RERE: variants seen among roughly 807,000 people sequenced by gnomAD.
RERE encodes the protein arginine-glutamic acid dipeptide repeats, also known as arginine-glutamic acid dipeptide repeats protein.
A neutral mutation model predicts 146.1 loss-of-function variants in RERE; 40 were observed. The observed-to-expected ratio is 0.27, with a 90% CI of 0.21 to 0.36. The LOEUF is 0.36. RERE is among the 10% of genes least tolerant of loss of function. RERE has a pLI of 1.00. For synonymous variants in RERE, 1,003 were observed against 866.0 expected, an observed-to-expected ratio of 1.16 and a Z score of -2.78; for missense variants, 1,933 against 2,138.7, an observed-to-expected ratio of 0.90 and a Z score of 1.90.
At chr1:8,375,986 T>C (rs1642233169) in intron 12 of RERE, among the ~76,000 whole-genome samples, 1 of 152,250 alleles carries the variant, frequency 6.6e-6, no homozygotes, top group Non-Finnish European at 1.5e-5. Flanking sequence ...GACTCCCAAA[T>C]AGATAAACCT....
At chr1:8,471,538 AAG>A (rs955805752) in intron 10 of RERE, among the ~76,000 whole-genome samples, 2 of 144,088 alleles carry the variant, frequency 1.4e-5, no homozygotes, top group Non-Finnish European at 3.0e-5. Flanking sequence ...TTTTTTGAGA[AAG>A]AGTTTCACTC....
intron 1 of RERE, among the ~76,000 whole-genome samples, chr1:8,772,883 G>A (rs1640980704): frequency 6.6e-6 from 1 of 152,158 alleles, no homozygotes; most frequent in African/African-American, 2.4e-5. Context: ...GAGGCCAGGA[G>A]TTCAAGGCCA....
chr1:8,811,215 C>G (rs980206314), intron 1 of RERE, among the ~76,000 whole-genome samples: 1 of 152,196 alleles, frequency 6.6e-6, no homozygotes, highest in African/African-American at 2.4e-5. Context: ...TGCTCATCTG[C>G]TCACACTCCC....
At chr1:8,649,223 C>CA (rs988739062) in intron 2 of RERE, among the ~76,000 whole-genome samples, 3 of 152,132 alleles carry the variant, frequency 2.0e-5, no homozygotes, top group African/African-American at 7.2e-5. Flanking sequence ...TAATGGCTGA[C>CA]AGACAACAAA....
At chr1:8,577,212 TTTTG>T (rs1174354700) in intron 4 of RERE, among the ~76,000 whole-genome samples, 1 of 152,020 alleles carries the variant, frequency 6.6e-6, no homozygotes, top group Admixed American at 6.5e-5. Flanking sequence ...TTTTGAATTT[TTTTG>T]TTTTTTTAAA....
At chr1:8,409,071 T>C (rs1454073479) in intron 12 of RERE, among the ~76,000 whole-genome samples, 3 of 152,230 alleles carry the variant, frequency 2.0e-5, no homozygotes, top group Non-Finnish European at 4.4e-5. Context: ...AACTGTCTTC[T>C]TTGTGGGTGT....
intron 1 of RERE, among the ~76,000 whole-genome samples, chr1:8,762,609 A>C (rs1427069700): frequency 1.3e-5 from 2 of 152,206 alleles, no homozygotes; most frequent in Non-Finnish European, 2.9e-5. Flanking sequence ...TAACTCTACT[A>C]TTCACTGAGG....
chr1:8,554,678 CAAAAAAAAAAAA>C (rs386366172), intron 6 of RERE, among the ~76,000 whole-genome samples: 3 of 100,722 alleles, frequency 3.0e-5, no homozygotes, highest in African/African-American at 1.1e-4. Context: ...GATCCTGTCT[CAAAAAAAAAAAA>C]AAAAAAAAGA....
intron 12 of RERE, among the ~76,000 whole-genome samples, chr1:8,371,414 G>C (rs998305452): frequency 5.3e-5 from 8 of 152,280 alleles, no homozygotes; most frequent in Non-Finnish European, 1.2e-4. Context: ...AGAAAAACAA[G>C]GGGAAGGGAG....
rs1645843501 is a variant in RERE at position 8,545,233 on chromosome 1, T to C, written c.726-3915A>G. On this transcript the variant is annotated intron_variant, in intron 6 of 22. Transcript: ENST00000400908. ...GCTTCACTGTTAACAGAAATATGAC[T>C]AAAGACAGGGAAGCCCCATGTGTTA... Among the ~76,000 whole-genome samples the C allele has an allele frequency of 2.0e-5, 3 of 152,288 alleles. No homozygotes were observed. The South Asian group carries it at 6.2e-4, about 32-fold the overall frequency.
chr1:8,410,346 C>T (rs1322460314), intron 12 of RERE, among the ~76,000 whole-genome samples: 3 of 152,156 alleles, frequency 2.0e-5, no homozygotes, highest in African/African-American at 7.2e-5. Context: ...AAGCAGAGGC[C>T]TGAGCAGCCT....
intron 4 of RERE, among the ~76,000 whole-genome samples, chr1:8,573,797 A>C (rs1393273214): frequency 6.6e-6 from 1 of 152,160 alleles, no homozygotes; most frequent in Non-Finnish European, 1.5e-5. Context: ...AGATAAAGCC[A>C]TTAACTGTGA....
rs892716653 is a variant in RERE at position 8,786,490 on chromosome 1, A to G, written c.-145+30670T>C. 6 of 857,476 alleles carry G rather than the reference A, an allele frequency of 7.0e-6. No individual in the cohort carries two copies. In the African/African-American group the frequency reaches 9.8e-5, roughly 14 times the overall value. The allele number at this position is 857,476 out of a possible 1,614,324, so 53.1% of individuals were successfully genotyped here. ...ACCACGCTTGTAGATTAGTTCATTT[A>G]CTGACTTCAGATTTGGGTTCCCCCA... On this transcript the variant is annotated intron_variant, in intron 1 of 22. Transcript: ENST00000400908.
At chr1:8,764,162 A>C (rs1030041731) in intron 1 of RERE, among the ~76,000 whole-genome samples, 3 of 151,984 alleles carry the variant, frequency 2.0e-5, no homozygotes, top group Non-Finnish European at 4.4e-5. Context: ...CAGGTCAAAG[A>C]ATATCCCCAG....
At chr1:8,590,395 C>CAAA (rs1646478048) in intron 4 of RERE, among the ~76,000 whole-genome samples, 1 of 152,004 alleles carries the variant, frequency 6.6e-6, no homozygotes, top group East Asian at 1.9e-4. Context: ...TACTATGGAC[C>CAAA]ACAGAGAATG....
At chr1:8,408,621 A>C (rs1426553602) in intron 12 of RERE, among the ~76,000 whole-genome samples, 2 of 152,208 alleles carry the variant, frequency 1.3e-5, no homozygotes, top group African/African-American at 4.8e-5. Flanking sequence ...AGTTAAGGAA[A>C]TAAATCAAAA....
chr1:8,816,436 A>G (rs1641912831), intron 1 of RERE, among the ~76,000 whole-genome samples: 1 of 152,238 alleles, frequency 6.6e-6, no homozygotes, highest in Non-Finnish European at 1.5e-5. Context: ...AAAGAGACAG[A>G]GGAAAATGAC....
chr1:8,377,622 A>G (rs1642301056), intron 12 of RERE, among the ~76,000 whole-genome samples: 1 of 152,186 alleles, frequency 6.6e-6, no homozygotes, highest in African/African-American at 2.4e-5. Context: ...TAAAACTGTT[A>G]AAACTACCAT....
chr1:8,444,852 C>A (rs1033667009), intron 11 of RERE, among the ~76,000 whole-genome samples: 1 of 150,668 alleles, frequency 6.6e-6, no homozygotes, highest in Admixed American at 6.6e-5. Flanking sequence ...CCAGGAAGTG[C>A]GTAGATGTTG....
Sources: gnomAD v4.1 joint callset for allele counts (sites outside exome capture counted in the v4.1 genomes callset) on GRCh38, gnomAD v4.1.1 for gene constraint, MANE v1.5 for transcripts, NCBI Gene and HGNC (gene_info 2026-07-23, HGNC 2026-07-21) for gene names.